Variants in GALNT13 observed in about 807,000 individuals in gnomAD.
The protein encoded by GALNT13 is polypeptide N-acetylgalactosaminyltransferase 13, also known as UDP-GalNAc:polypeptide N-acetylgalactosaminyltransferase 13.
A neutral mutation model predicts 64.2 loss-of-function variants in GALNT13; 28 were observed. That is an observed-to-expected ratio of 0.44 (90% CI 0.32 to 0.60). The LOEUF (loss-of-function observed/expected upper bound fraction) is 0.60. Among genes scored for constraint, GALNT13 ranks in the 20% least tolerant of loss-of-function variants. GALNT13 has a pLI of 0.05. For missense variants in GALNT13, 577 were observed against 669.8 expected, an observed-to-expected ratio of 0.86 and a Z score of 1.53; for synonymous variants, 214 against 224.6, an observed-to-expected ratio of 0.95 and a Z score of 0.42.
At chr2:153,819,743 C>G in the GALNT13 span, among the ~76,000 whole-genome samples, 2 of 152,216 alleles carry the variant, frequency 1.3e-5, no homozygotes, top group African/African-American at 4.8e-5. Flanking sequence ...AATATAAATC[C>G]TGCCAATAGA....
At chr2:153,075,889 C>T in the GALNT13 span, among the ~76,000 whole-genome samples, 1 of 151,896 alleles carries the variant, frequency 6.6e-6, no homozygotes, top group African/African-American at 2.4e-5. Flanking sequence ...TGTTCTCTAC[C>T]TTGCTTTTTT....
intron 3 of GALNT13, among the ~76,000 whole-genome samples, chr2:153,951,572 G>C (rs1208500020): frequency 6.6e-6 from 1 of 152,070 alleles, no homozygotes; most frequent in Non-Finnish European, 1.5e-5. Context: ...GAGTGTCAAG[G>C]TCAAGTCTCT....
At chr2:154,140,993 C>A (rs1309974390) in intron 4 of GALNT13, among the ~76,000 whole-genome samples, 1 of 152,234 alleles carries the variant, frequency 6.6e-6, no homozygotes, top group Non-Finnish European at 1.5e-5. Flanking sequence ...TAGGCTGTAA[C>A]TCTGTACAGC....
the GALNT13 span, among the ~76,000 whole-genome samples, chr2:153,344,811 G>T: frequency 3.6e-4 from 55 of 152,256 alleles, no homozygotes; most frequent in South Asian, 5.2e-3. Flanking sequence ...GCTCAATTGT[G>T]ATAGTCATTT....
At chr2:153,353,031 A>ATCAACTTAGGAAGAACTG in the GALNT13 span, among the ~76,000 whole-genome samples, 1 of 152,100 alleles carries the variant, frequency 6.6e-6, no homozygotes, top group African/African-American at 2.4e-5. Context: ...GATTCTATAG[A>ATCAACTTAGGAAGAACTG]TCAACTTAGG....
upstream of GALNT13, among the ~76,000 whole-genome samples, chr2:153,867,832 C>T (rs192231131): frequency 4.6e-5 from 7 of 152,126 alleles, no homozygotes; most frequent in African/African-American, 1.7e-4. Flanking sequence ...CTAAGAGAAT[C>T]TAATGCTGCT....
the GALNT13 span, among the ~76,000 whole-genome samples, chr2:153,499,123 A>T: frequency 0.57 from 87,339 of 152,044 alleles, 27,989 homozygotes; most frequent in African/African-American, 0.84. Context: ...AGTGCTGAGA[A>T]TACAGGCGTG....
At chr2:154,445,604 TAAC>T (rs79510705) in intron 12 of GALNT13, among the ~76,000 whole-genome samples, 3,948 of 152,166 alleles carry the variant, frequency 0.026, 85 homozygotes, top group Non-Finnish European at 0.042. Context: ...GTTTTAATAT[TAAC>T]TACATAGTTA....
the GALNT13 span, among the ~76,000 whole-genome samples, chr2:153,606,820 T>C: frequency 3.9e-5 from 6 of 152,018 alleles, no homozygotes; most frequent in African/African-American, 1.2e-4. Context: ...TTCTGACTTA[T>C]TGAGTTACTC....
the GALNT13 span, among the ~76,000 whole-genome samples, chr2:153,689,070 ATGTGTGTGTG>A: frequency 1.1e-4 from 14 of 127,806 alleles, no homozygotes; most frequent in East Asian, 2.3e-4. Flanking sequence ...CCGCGTGTGT[ATGTGTGTGTG>A]TGTGTGTGTG....
At chr2:153,437,498 A>G in the GALNT13 span, among the ~76,000 whole-genome samples, 1 of 152,182 alleles carries the variant, frequency 6.6e-6, no homozygotes, top group South Asian at 2.1e-4. Context: ...TGCTTTATGA[A>G]TCTGGGTGCT....
At chr2:153,731,070 A>G in the GALNT13 span, among the ~76,000 whole-genome samples, 1 of 151,536 alleles carries the variant, frequency 6.6e-6, no homozygotes, top group Non-Finnish European at 1.5e-5. Flanking sequence ...TTATATATAT[A>G]TATGTGTGTG....
chr2:153,074,371 A>T, the GALNT13 span, among the ~76,000 whole-genome samples: 1 of 152,114 alleles, frequency 6.6e-6, no homozygotes, highest in Non-Finnish European at 1.5e-5. Context: ...AACAAGATTC[A>T]TTTTTTTAAG....
At chr2:153,178,463 T>G in the GALNT13 span, among the ~76,000 whole-genome samples, 1 of 152,298 alleles carries the variant, frequency 6.6e-6, no homozygotes, top group South Asian at 2.1e-4. Flanking sequence ...TGATAAGTGA[T>G]GTTGAATATT....
chr2:154,021,274 C>T (rs1697464312), intron 3 of GALNT13, among the ~76,000 whole-genome samples: 3 of 152,150 alleles, frequency 2.0e-5, no homozygotes, highest in Admixed American at 1.3e-4. Context: ...GGCATTGAAT[C>T]TATAAATTAC....
intron 4 of GALNT13, among the ~76,000 whole-genome samples, chr2:154,175,633 T>C (rs1323082653): frequency 1.3e-5 from 2 of 152,140 alleles, no homozygotes; most frequent in African/African-American, 2.4e-5. Context: ...ATAGAAACCC[T>C]CTGAGAATTA....
intron 4 of GALNT13, among the ~76,000 whole-genome samples, chr2:154,167,591 T>C (rs1166499340): frequency 6.6e-6 from 1 of 152,194 alleles, no homozygotes; most frequent in Non-Finnish European, 1.5e-5. Flanking sequence ...TCTCCTTTTT[T>C]CCTACCACTT....
At chr2:153,659,039 T>G in the GALNT13 span, among the ~76,000 whole-genome samples, 2 of 152,200 alleles carry the variant, frequency 1.3e-5, no homozygotes, top group East Asian at 3.9e-4. Context: ...TAAACCATAA[T>G]GTAATACAAA....
the GALNT13 span, among the ~76,000 whole-genome samples, chr2:153,555,303 T>C: frequency 1.2e-4 from 14 of 120,584 alleles, 2 homozygotes; most frequent in Middle Eastern, 4.0e-3. Flanking sequence ...CACGCCATTC[T>C]CCTGCCTCAG....
Sources: allele counts gnomAD v4.1 joint callset (sites outside exome capture counted in the v4.1 genomes callset), GRCh38; gene constraint gnomAD v4.1.1; transcripts MANE v1.5; gene names NCBI Gene and HGNC (gene_info 2026-07-23, HGNC 2026-07-21).